The following TANC1 variants were observed in gnomAD, a reference collection of about 807,000 sequenced individuals.
The protein encoded by TANC1 is tetratricopeptide repeat, ankyrin repeat and coiled-coil containing 1, also known as protein TANC1.
In TANC1, 77 loss-of-function variants were observed where a neutral mutation model predicts 149.7. The observed-to-expected ratio is 0.51, with a 90% CI of 0.43 to 0.62. The LOEUF (loss-of-function observed/expected upper bound fraction) is 0.62. Ranked by LOEUF, TANC1 falls within the 20% of genes least tolerant of loss-of-function variation. The pLI, the probability that TANC1 is intolerant of heterozygous loss-of-function variation, is 0.00. For missense variants in TANC1, 1,985 were observed against 2,321.8 expected (o/e 0.85, Z 2.98); for synonymous variants, 854 against 925.0 (o/e 0.92, Z 1.39).
intron 5 of TANC1, among the ~76,000 whole-genome samples, chr2:159,137,682 ATCTC>A (rs910544289): frequency 1.3e-5 from 2 of 151,926 alleles, no homozygotes; most frequent in African/African-American, 4.8e-5. Flanking sequence ...GGAAAGTAAA[ATCTC>A]TCTCTCTGTA....
chr2:159,194,877 T>A (rs2057736561), intron 17 of TANC1, among the ~76,000 whole-genome samples: 1 of 152,174 alleles, frequency 6.6e-6, no homozygotes, highest in East Asian at 1.9e-4. Flanking sequence ...TTTAAAACAG[T>A]AGGATGAGTT....
intron 5 of TANC1, among the ~76,000 whole-genome samples, chr2:159,146,639 CA>C (rs1233539181): frequency 1.4e-5 from 2 of 146,970 alleles, no homozygotes; most frequent in Admixed American, 1.4e-4. Context: ...CTCCCGGATT[CA>C]AGTGATTCCC....
In TANC1 at chr2:159,219,689, C is replaced by G; in HGVS notation, c.3503-3C>G. The G allele has an allele frequency of 6.2e-7, 1 of 1,614,104 alleles. No individual in the cohort carries two copies. Among genetic ancestry groups the G allele is most frequent in the South Asian group, 1.1e-5 (1 of 91,074 alleles). ...ATGTTCTGTGAATGGGCTTTCCTTT[C>G]AGGTGCAGCCCTTTCTTCTCTAGAC... On this transcript the variant is annotated splice_polypyrimidine_tract_variant and splice_region_variant and intron_variant, in intron 21 of 26. Coordinates refer to ENST00000263635, the MANE Select transcript of TANC1 (RefSeq NM_033394.3).
intron 1 of TANC1, 116 bp downstream of exon 1, chr2:158,968,898 G>T (rs2032364242): frequency 6.5e-6 from 1 of 152,868 alleles, no homozygotes; most frequent in African/African-American, 2.4e-5. Context: ...TGGGAGAAGG[G>T]AAAGGCGTGT....
chr2:159,168,299 A>ATTTTT (rs35670582), intron 8 of TANC1, among the ~76,000 whole-genome samples: 21 of 130,370 alleles, frequency 1.6e-4, no homozygotes, highest in South Asian at 4.8e-4. Context: ...TAGATCTTTA[A>ATTTTT]TTTTTTTTTT....
chr2:159,011,942 AGGGAAGGGCT>A (rs887977214), intron 2 of TANC1, among the ~76,000 whole-genome samples: 5 of 151,994 alleles, frequency 3.3e-5, no homozygotes, highest in African/African-American at 1.2e-4. Context: ...AAGAAGGAGG[AGGGAAGGGCT>A]GGGACCCATC....
intron 4 of TANC1, among the ~76,000 whole-genome samples, chr2:159,129,200 T>G (rs901503012): frequency 6.6e-6 from 1 of 152,206 alleles, no homozygotes; most frequent in Non-Finnish European, 1.5e-5. Flanking sequence ...TATAAATATA[T>G]AATTATCTTT....
At chr2:159,221,089 G>T (rs2059679988) in intron 22 of TANC1, among the ~76,000 whole-genome samples, 1 of 152,192 alleles carries the variant, frequency 6.6e-6, no homozygotes, top group Non-Finnish European at 1.5e-5. Flanking sequence ...GGTGGCTCAT[G>T]CCTGTAATCC....
intron 3 of TANC1, among the ~76,000 whole-genome samples, chr2:159,081,318 G>C (rs1365929428): frequency 6.6e-6 from 1 of 152,060 alleles, no homozygotes; most frequent in African/African-American, 2.4e-5. Flanking sequence ...TTCAATTAGA[G>C]AAGGGTACAG....
At position 159,220,396 on chromosome 2, in the gene TANC1, C is replaced by T. The variant is rs188534576; in HGVS notation, c.3678+529C>T. Among the ~76,000 whole-genome samples, 11 of 147,250 alleles carry T rather than the reference C, an allele frequency of 7.5e-5. No individual in the cohort carries two copies. In the East Asian group the frequency reaches 2.2e-3, roughly 30 times the overall value. On this transcript the variant is annotated intron_variant, in intron 22 of 26. Coordinates refer to ENST00000263635, the MANE Select transcript of TANC1 (RefSeq NM_033394.3). ...GATCTCGGCTCACTGCAACTTCCGC[C>T]TCCTGGGTTCAAGCAGTTCTCCTGC...
intron 14 of TANC1, among the ~76,000 whole-genome samples, chr2:159,184,123 A>G (rs1382314625): frequency 1.3e-5 from 2 of 152,332 alleles, no homozygotes; most frequent in Admixed American, 6.5e-5. Flanking sequence ...TAACCTGTTC[A>G]GGCCTCTGTT....
At chr2:159,156,047 C>T (rs2053399550) in intron 7 of TANC1, among the ~76,000 whole-genome samples, 1 of 152,196 alleles carries the variant, frequency 6.6e-6, no homozygotes, top group Non-Finnish European at 1.5e-5. Flanking sequence ...TGCAGAGGCA[C>T]ACAAAGATGA....
chr2:159,011,102 C>T (rs1260512858), intron 2 of TANC1, among the ~76,000 whole-genome samples: 1 of 152,090 alleles, frequency 6.6e-6, no homozygotes, highest in African/African-American at 2.4e-5. Context: ...AGGATATCAC[C>T]ATCCCCATTT....
intron 2 of TANC1, among the ~76,000 whole-genome samples, chr2:159,013,247 T>G (rs954678605): frequency 6.6e-6 from 1 of 152,164 alleles, no homozygotes; most frequent in Admixed American, 6.5e-5. Flanking sequence ...GCATATTGTA[T>G]TATGTTTGGT....
At chr2:159,054,518 A>G (rs1208922324) in intron 2 of TANC1, among the ~76,000 whole-genome samples, 1 of 152,182 alleles carries the variant, frequency 6.6e-6, no homozygotes, top group African/African-American at 2.4e-5. Context: ...GATGTCTTAT[A>G]TTCTGGGCAT....
chr2:159,106,993 T>C (rs1179013534), intron 4 of TANC1, among the ~76,000 whole-genome samples: 1 of 152,010 alleles, frequency 6.6e-6, no homozygotes, highest in Non-Finnish European at 1.5e-5. Flanking sequence ...TTTTTTACTT[T>C]GATTTTATTG....
chr2:159,155,761 G>C (rs1439207499), intron 7 of TANC1, among the ~76,000 whole-genome samples: 1 of 152,188 alleles, frequency 6.6e-6, no homozygotes, highest in Admixed American at 6.5e-5. Context: ...ATTTAGACAG[G>C]GGAATACCTT....
chr2:159,156,702 A>T, intron 7 of TANC1, among the ~76,000 whole-genome samples: 1 of 152,202 alleles, frequency 6.6e-6, no homozygotes, highest in East Asian at 1.9e-4. Flanking sequence ...TCTTTTCCAA[A>T]GTCTGGAAAA....
intron 4 of TANC1, among the ~76,000 whole-genome samples, chr2:159,115,213 T>G (rs1280941766): frequency 6.6e-6 from 1 of 152,026 alleles, no homozygotes; most frequent in Non-Finnish European, 1.5e-5. Flanking sequence ...TGTCCGTGTG[T>G]GTGTGTGTCA....
Sources: gnomAD v4.1 joint callset for allele counts (sites outside exome capture counted in the v4.1 genomes callset) on GRCh38, gnomAD v4.1.1 for gene constraint, MANE v1.5 for transcripts, NCBI Gene and HGNC (gene_info 2026-07-23, HGNC 2026-07-21) for gene names.